SLC30A3: variants seen among roughly 807,000 people sequenced by gnomAD.
SLC30A3 encodes probable proton-coupled zinc antiporter SLC30A3.
A neutral mutation model predicts 35.6 loss-of-function variants in SLC30A3; 20 were observed. The ratio of observed to expected loss-of-function variants is 0.56; its 90% CI spans 0.39 to 0.82. SLC30A3 has a LOEUF of 0.82. Ranked by LOEUF, SLC30A3 falls within the 40% of genes least tolerant of loss-of-function variation. The probability of loss-of-function intolerance (pLI) is 0.00; values close to 1 mark genes in which losing one functional copy is unlikely to be tolerated. For synonymous variants in SLC30A3, 217 were observed against 224.7 expected (o/e 0.97, Z 0.31); for missense variants, 401 against 530.6 (o/e 0.76, Z 2.40).
At chr2:27,256,945 G>T (rs1345132765) in intron 5 of SLC30A3, 52 bp from the exon 6 acceptor site, 2 of 1,349,640 alleles carry the variant, frequency 1.5e-6, no homozygotes, top group Non-Finnish European at 2.1e-6. Context: ...TTCAGAGGAA[G>T]ATCTAGGGGT....
chr2:27,266,657 A>G (rs1408243372), upstream of SLC30A3, among the ~76,000 whole-genome samples: 1 of 152,198 alleles, frequency 6.6e-6, no homozygotes, highest in African/African-American at 2.4e-5. Context: ...GCACTTTGGG[A>G]GGCCGAGGCA....
upstream of SLC30A3, chr2:27,263,117 C>T: frequency 7.4e-7 from 1 of 1,349,254 alleles, no homozygotes; most frequent in South Asian, 1.8e-5. Context: ...GCGAGCTCCC[C>T]AAGCTCCGCC....
intron 1 of SLC30A3, 69 bp from the exon 2 acceptor site, chr2:27,259,003 T>A: frequency 7.7e-7 from 1 of 1,295,510 alleles, no homozygotes; most frequent in Non-Finnish European, 1.1e-6. Context: ...ACGTCCTTAG[T>A]CCCCAGTGCT....
intron 1 of SLC30A3, among the ~76,000 whole-genome samples, chr2:27,273,051 A>G (rs112530270): frequency 6.9e-6 from 1 of 145,306 alleles, no homozygotes; most frequent in African/African-American, 2.6e-5. Context: ...AAAAAAAAAA[A>G]ATATATATAT....
chr2:27,261,233 C>A (rs563999015), intron 1 of SLC30A3, among the ~76,000 whole-genome samples: 27 of 152,270 alleles, frequency 1.8e-4, no homozygotes, highest in African/African-American at 6.3e-4. Context: ...AAGGGAGATA[C>A]ACTGACTGCT....
At chr2:27,263,608 T>G (rs1677343527), upstream of SLC30A3, 1 of 280,194 alleles carries the variant, frequency 3.6e-6, no homozygotes, top group Admixed American at 4.3e-5. Context: ...ATCATTTATT[T>G]TTATACAGAA....
At position 27,258,672 on chromosome 2, in the gene SLC30A3, G is replaced by A; in HGVS notation, c.277+81C>T. ...TCCCCATCTCTGCATCTGCACCCAG[G>A]AACATTCCTGGGACTCTGGGTGGAG... On this transcript the variant is annotated intron_variant, in intron 2 of 7. Transcript: ENST00000233535. The surrounding 1 kb of genome is among the most constrained non-coding windows in gnomAD (Gnocchi z 4.0). The A allele has an allele frequency of 1.3e-6, 2 of 1,490,172 alleles. No individual in the cohort carries two copies. Among genetic ancestry groups the A allele is most frequent in the South Asian group, 2.3e-5 (2 of 86,276 alleles). The allele number at this position is 1,490,172 out of a possible 1,614,324, so 92.3% of individuals were successfully genotyped here.
At position 27,254,644 on chromosome 2, in the gene SLC30A3, G is replaced by T; in HGVS notation, c.*668C>A. 6.3e-6 allele frequency: 1 copy of T among 157,608 alleles called. No homozygotes were observed. Among genetic ancestry groups the T allele is most frequent in the Non-Finnish European group, 1.4e-5 (1 of 71,050 alleles). The allele number at this position is 157,608 out of a possible 1,614,324, so 9.8% of individuals were successfully genotyped here. ...TCTTTCAGGGATAGCCAAGGGCACA[G>T]CACCAACAGAGGGATGGAGAGATAG... is the stretch of plus-strand genomic sequence containing the variant. On this transcript the variant is annotated 3_prime_UTR_variant, in exon 8 of 8. Coordinates refer to ENST00000233535, the MANE Select transcript of SLC30A3 (RefSeq NM_003459.5).
chr2:27,256,385 C>A lies in SLC30A3; in HGVS notation c.1018+1G>T. ...AACTAGCTGGGGCCAGTGTGACTCA[C>A]CGATGGCCAGGTGTGCAGAGGCAAC... On this transcript the variant is annotated splice_donor_variant, in intron 7 of 7. Coordinates refer to ENST00000233535, the MANE Select transcript of SLC30A3 (RefSeq NM_003459.5). LOFTEE classifies it high-confidence loss of function. 1 of 1,613,996 alleles carries A rather than the reference C, an allele frequency of 6.2e-7. No individual in the cohort carries two copies. The highest frequency in any genetic ancestry group is 8.5e-7 in the Non-Finnish European group (1 of 1,179,896).
rs1359912922 is a variant in SLC30A3, at chr2:27,258,743, C to T, written c.277+10G>A. 5 of 1,614,002 alleles carry T rather than the reference C, an allele frequency of 3.1e-6. No homozygotes were observed. The highest frequency in any genetic ancestry group is 4.2e-6 in the Non-Finnish European group (5 of 1,179,964). On this transcript the variant is annotated intron_variant, in intron 2 of 7. Transcript: ENST00000233535. The surrounding 1 kb of genome is among the most constrained non-coding windows in gnomAD (Gnocchi z 4.0). ...GGAGAATGGGGTTTAAGGGCTGCTCCCCAACTTACCGACCACCTCCCCAGC... is the reference window on the plus strand; with the variant it reads ...GGAGAATGGGGTTTAAGGGCTGCTCTCCAACTTACCGACCACCTCCCCAGC...
Position 27,255,083 on chromosome 2 carries a change from G to T in SLC30A3, c.*229C>A, listed in dbSNP as rs1676759493. 1.3e-6 allele frequency: 2 copies of T among 1,493,730 alleles called. No homozygotes were observed. Among genetic ancestry groups the T allele is most frequent in the South Asian group, 1.3e-5 (1 of 78,890 alleles). The allele number at this position is 1,493,730 out of a possible 1,614,324, so 92.5% of individuals were successfully genotyped here. A position where few individuals can be genotyped will look rare whatever the true frequency, so the allele number is the denominator to read the frequency against. ...CTGAGGCCTGGGAGTCCCCGCCCCTGAACTAGTCACATCTATTCCCCTGAC... is the reference window on the plus strand; with the variant it reads ...CTGAGGCCTGGGAGTCCCCGCCCCTTAACTAGTCACATCTATTCCCCTGAC... On this transcript the variant is annotated 3_prime_UTR_variant, in exon 8 of 8. Coordinates refer to ENST00000233535, the MANE Select transcript of SLC30A3 (RefSeq NM_003459.5). This position sits in a 1 kb window ranked among gnomAD's most constrained non-coding sequence, Gnocchi z 5.2.
chr2:27,254,797 C>G lies in SLC30A3; in HGVS notation c.*515G>C, dbSNP rs1279182634. On this transcript the variant is annotated 3_prime_UTR_variant, in exon 8 of 8. Transcript: ENST00000233535. ...ACACACACACACACACACACACACACACAGACAAAACCACAGGGCTAAGAC... is the reference window on the plus strand; with the variant it reads ...ACACACACACACACACACACACACAGACAGACAAAACCACAGGGCTAAGAC... 3.7e-5 allele frequency: 10 copies of G among 273,320 alleles called. No homozygotes were observed. Among genetic ancestry groups the G allele is most frequent in the East Asian group, 1.0e-4 (1 of 9,738 alleles). The allele number at this position is 273,320 out of a possible 1,614,324, so 16.9% of individuals were successfully genotyped here.
upstream of SLC30A3, among the ~76,000 whole-genome samples, chr2:27,267,647 C>T (rs1677545282): frequency 3.9e-5 from 6 of 152,168 alleles, no homozygotes; most frequent in South Asian, 1.2e-3. Flanking sequence ...TTAAAAACTG[C>T]AACCTGACTG....
intron 1 of SLC30A3, among the ~76,000 whole-genome samples, chr2:27,261,726 G>A (rs1677193633): frequency 6.6e-6 from 1 of 152,174 alleles, no homozygotes; most frequent in Non-Finnish European, 1.5e-5. Context: ...GGGGAAGAGG[G>A]GTGACGTAGC....
Position 27,258,072 on chromosome 2 carries a change from G to T in SLC30A3, c.425-14C>A, listed in dbSNP as rs751925858. On this transcript the variant is annotated splice_polypyrimidine_tract_variant and intron_variant, in intron 3 of 7. Coordinates refer to ENST00000233535, the MANE Select transcript of SLC30A3 (RefSeq NM_003459.5). This position sits in a 1 kb window ranked among gnomAD's most constrained non-coding sequence, Gnocchi z 4.0. ...CCCCCAGAGTCTCTGCGGGTGGGGGGGGAGACAAGCTGTCAGAGACCTGCT... is the reference window on the plus strand; with the variant it reads ...CCCCCAGAGTCTCTGCGGGTGGGGGTGGAGACAAGCTGTCAGAGACCTGCT... 1.2e-6 allele frequency: 2 copies of T among 1,613,478 alleles called. No individual in the cohort carries two copies. The highest frequency in any genetic ancestry group is 1.7e-5 in the Admixed American group (1 of 60,006).
chr2:27,267,746 C>T (rs1171643423), upstream of SLC30A3, among the ~76,000 whole-genome samples: 1 of 151,966 alleles, frequency 6.6e-6, no homozygotes, highest in African/African-American at 2.4e-5. Flanking sequence ...ACCAGCCTGG[C>T]CAATATGGGG....
intron 7 of SLC30A3, 142 bp downstream of exon 7, chr2:27,256,244 G>C (rs948135095): frequency 1.1e-6 from 1 of 917,326 alleles, no homozygotes; most frequent in Non-Finnish European, 1.7e-6. Context: ...GTGTGTGTAT[G>C]TGTCTATGTG....
At chr2:27,256,610 G>A in intron 6 of SLC30A3, 90 bp from the exon 7 acceptor site, 2 of 1,546,568 alleles carry the variant, frequency 1.3e-6, no homozygotes, top group Non-Finnish European at 1.8e-6. Context: ...CCCCTATCCT[G>A]TATGCACTCT....
rs137918771 is a variant in SLC30A3, at chr2:27,269,298, C to T, written c.-158-5216G>A. 8.4e-3 allele frequency among the ~76,000 whole-genome samples: 1,268 copies of T among 151,054 alleles called. 16 individuals carry two copies. Among genetic ancestry groups the T allele is most frequent in the Non-Finnish European group, 0.013 (852 of 67,786 alleles). On this transcript the variant is annotated intron_variant, in intron 1 of 5. Coordinates refer to the SLC30A3 transcript ENST00000424577. Reference sequence around the variant, plus strand: ...TCGGCTCACTGCAACCTCAGCCTCCCGGGTTCAAGTGATGCTCCTGCCTTA... The same window carrying T: ...TCGGCTCACTGCAACCTCAGCCTCCTGGGTTCAAGTGATGCTCCTGCCTTA...
Sources: allele counts gnomAD v4.1 joint callset (sites outside exome capture counted in the v4.1 genomes callset), GRCh38; gene constraint gnomAD v4.1.1; non-coding constraint Gnocchi (gnomAD v3.1); transcripts MANE v1.5; gene names NCBI Gene and HGNC (gene_info 2026-07-23, HGNC 2026-07-21).